The following IQSEC1 variants were observed in gnomAD, a reference collection of about 807,000 sequenced individuals.
IQSEC1 encodes the protein IQ motif and Sec7 domain ArfGEF 1.
In IQSEC1, 31 loss-of-function variants were observed where a neutral mutation model predicts 91.0. That is an observed-to-expected ratio of 0.34 (90% CI 0.26 to 0.46). The LOEUF (loss-of-function observed/expected upper bound fraction) is 0.46. IQSEC1 is among the 20% of genes least tolerant of loss of function. The pLI is 1.00. For missense variants in IQSEC1, 1,388 were observed against 1,575.6 expected (o/e 0.88, Z 2.02); for synonymous variants, 699 against 662.6 (o/e 1.05, Z -0.84).
chr3:13,234,506 C>T (rs1468580184), intron 1 of IQSEC1, among the ~76,000 whole-genome samples: 2 of 152,198 alleles, frequency 1.3e-5, no homozygotes, highest in Non-Finnish European at 2.9e-5. Context: ...TTCCCTGAAA[C>T]ACCTGAATTT....
At chr3:13,120,643 G>T (rs2124890538) in intron 2 of IQSEC1, among the ~76,000 whole-genome samples, 1 of 152,338 alleles carries the variant, frequency 6.6e-6, no homozygotes. Flanking sequence ...GGACTGAATA[G>T]AGCAATGAGC....
At chr3:13,061,801 C>A (rs1225517233) in intron 1 of IQSEC1, among the ~76,000 whole-genome samples, 1 of 152,154 alleles carries the variant, frequency 6.6e-6, no homozygotes, top group Non-Finnish European at 1.5e-5. Flanking sequence ...TTACCCCCGT[C>A]CCAACAAACA....
chr3:13,120,588 G>A (rs907336538), intron 2 of IQSEC1, among the ~76,000 whole-genome samples: 1 of 152,194 alleles, frequency 6.6e-6, no homozygotes, highest in Non-Finnish European at 1.5e-5. Context: ...CTAGAGGGAG[G>A]ATCTAAATAT....
chr3:12,954,188 G>A (rs1451615899), intron 1 of IQSEC1, among the ~76,000 whole-genome samples: 1 of 152,208 alleles, frequency 6.6e-6, no homozygotes, highest in Non-Finnish European at 1.5e-5. Flanking sequence ...TCAGCCTGCA[G>A]GGGCCAGGCC....
chr3:13,133,507 T>G (rs1023324138), intron 2 of IQSEC1, among the ~76,000 whole-genome samples: 1 of 152,180 alleles, frequency 6.6e-6, no homozygotes, highest in African/African-American at 2.4e-5. Context: ...CTGCAGCATC[T>G]CCCTGCATTG....
intron 1 of IQSEC1, chr3:12,987,014 C>T (rs915457525): frequency 3.6e-5 from 16 of 444,054 alleles, no homozygotes; most frequent in Middle Eastern, 3.4e-4. Context: ...CACAAACAGC[C>T]GCAGCCTGGC....
intron 2 of IQSEC1, among the ~76,000 whole-genome samples, chr3:13,116,803 CA>C (rs779456434): frequency 1.5e-4 from 23 of 151,910 alleles, no homozygotes; most frequent in Non-Finnish European, 2.5e-4. Flanking sequence ...AAAACAAAAA[CA>C]AAAACAAATA....
intron 1 of IQSEC1, among the ~76,000 whole-genome samples, chr3:13,260,657 A>G (rs1316948380): frequency 6.6e-6 from 1 of 152,076 alleles, no homozygotes; most frequent in African/African-American, 2.4e-5. Flanking sequence ...GCCTCTTCCA[A>G]CTCCAGCTCT....
intron 1 of IQSEC1, among the ~76,000 whole-genome samples, chr3:13,270,014 G>A (rs1387656890): frequency 6.6e-6 from 1 of 152,184 alleles, no homozygotes; most frequent in African/African-American, 2.4e-5. Context: ...CCACCAGATT[G>A]GAGAAGCCAC....
chr3:12,943,017 C>T (rs1233382349), intron 1 of IQSEC1, among the ~76,000 whole-genome samples: 4 of 152,214 alleles, frequency 2.6e-5, no homozygotes, highest in Non-Finnish European at 5.9e-5. Flanking sequence ...TGGTGTGTGT[C>T]ACGGCGAATT....
intron 1 of IQSEC1, among the ~76,000 whole-genome samples, chr3:13,250,582 C>T (rs1434558160): frequency 5.3e-5 from 8 of 151,270 alleles, no homozygotes; most frequent in South Asian, 2.1e-4. Context: ...TACAGGCGCC[C>T]GCCTCCACCT....
chr3:13,200,540 GA>G (rs1694225285), intron 1 of IQSEC1, among the ~76,000 whole-genome samples: 1 of 152,208 alleles, frequency 6.6e-6, no homozygotes, highest in Non-Finnish European at 1.5e-5. Flanking sequence ...TCCAGATAAC[GA>G]GGTTGAGAAG....
Position 13,026,864 on chromosome 3 carries a change from GT to G in IQSEC1, c.23+46127del, listed in dbSNP as rs1553680571. Among the ~76,000 whole-genome samples the G allele has an allele frequency of 2.2e-3, 200 of 90,860 alleles. 1 individual carries two copies. Among genetic ancestry groups the G allele is most frequent in the East Asian group, 5.0e-3 (11 of 2,186 alleles). 59.6% of individuals were successfully genotyped at this position (90,860 alleles called of 152,430 possible). On this transcript the variant is annotated intron_variant, in intron 1 of 13. Transcript: ENST00000613206. ...TGAAGTAGCAGTTATTATCTCCCCA[GT>G]TTTTTTTTTTTTTGTTTGTTTTTTT...
intron 1 of IQSEC1, among the ~76,000 whole-genome samples, chr3:13,243,045 A>G (rs1194682360): frequency 6.6e-6 from 1 of 152,144 alleles, no homozygotes; most frequent in Non-Finnish European, 1.5e-5. Flanking sequence ...TGGGTAAGTT[A>G]GGCTTCAGAA....
chr3:13,257,327 G>A (rs1695307708), intron 1 of IQSEC1, among the ~76,000 whole-genome samples: 1 of 152,224 alleles, frequency 6.6e-6, no homozygotes, highest in Non-Finnish European at 1.5e-5. Flanking sequence ...TTCTCCAGAA[G>A]ACATAACATT....
intron 1 of IQSEC1, among the ~76,000 whole-genome samples, chr3:12,991,282 G>A (rs1292253245): frequency 6.6e-6 from 1 of 152,216 alleles, no homozygotes. Flanking sequence ...GATGGCAGGG[G>A]TGGGGTGTTC....
chr3:13,141,058 C>T (rs544594354), intron 2 of IQSEC1, among the ~76,000 whole-genome samples: 4 of 152,354 alleles, frequency 2.6e-5, no homozygotes, highest in African/African-American at 9.6e-5. Context: ...CCCGCTCACT[C>T]CATGGTCAAG....
At chr3:13,281,709 C>A (rs1024664687) in intron 1 of IQSEC1, among the ~76,000 whole-genome samples, 8 of 152,218 alleles carry the variant, frequency 5.3e-5, no homozygotes, top group Admixed American at 3.3e-4. Context: ...ACTCCTCCCC[C>A]ATTTCCACCC....
intron 1 of IQSEC1, among the ~76,000 whole-genome samples, chr3:13,031,295 T>TG (rs1703832179): frequency 6.6e-6 from 1 of 152,218 alleles, no homozygotes; most frequent in African/African-American, 2.4e-5. Context: ...GTGACAAGCC[T>TG]GGGGGCAGGG....
Sources: allele counts gnomAD v4.1 joint callset (sites outside exome capture counted in the v4.1 genomes callset), GRCh38; gene constraint gnomAD v4.1.1; transcripts MANE v1.5; gene names NCBI Gene and HGNC (gene_info 2026-07-23, HGNC 2026-07-21).